The following FARS2 variants were observed in gnomAD, a reference collection of about 807,000 sequenced individuals.
FARS2 encodes the protein phenylalanine--tRNA ligase, mitochondrial.
Under a neutral mutation model 46.4 loss-of-function variants are expected in FARS2, and 40 were observed. That is an observed-to-expected ratio of 0.86 (90% confidence interval 0.67 to 1.12). FARS2 has a LOEUF of 1.12. Among genes scored for constraint, FARS2 ranks in the 50% most tolerant of loss-of-function variants. FARS2 has a pLI of 0.00. For missense variants in FARS2, 513 were observed against 567.9 expected (o/e 0.90, Z 0.98); for synonymous variants, 234 against 214.9 (o/e 1.09, Z -0.78).
intron 6 of FARS2, among the ~76,000 whole-genome samples, chr6:5,676,805 C>T (rs1023356268): frequency 3.3e-5 from 5 of 152,160 alleles, no homozygotes; most frequent in African/African-American, 1.2e-4. Flanking sequence ...CTTATGACTG[C>T]GAGATTCCCT....
Position 5,630,245 on chromosome 6 carries a change from A to C in FARS2, c.1217+16925A>C, listed in dbSNP as rs73718328. Among the ~76,000 whole-genome samples the C allele has an allele frequency of 6.4e-3, 979 of 152,268 alleles. 6 individuals carry two copies. The highest frequency in any genetic ancestry group is 0.027 in the Middle Eastern group (8 of 294). ...AGGGAGACCCAAGAGATGGAAGTCAAAGAGCAGAGGCTGGGAATGAAAGCC... is the reference window on the plus strand; with the variant it reads ...AGGGAGACCCAAGAGATGGAAGTCACAGAGCAGAGGCTGGGAATGAAAGCC... On this transcript the variant is annotated intron_variant, in intron 6 of 6. Transcript: ENST00000274680. This position sits in a 1 kb window ranked among gnomAD's most constrained non-coding sequence, Gnocchi z 4.2.
intron 6 of FARS2, among the ~76,000 whole-genome samples, chr6:5,643,285 C>A (rs1475098471): frequency 1.3e-5 from 2 of 152,228 alleles, no homozygotes; most frequent in East Asian, 3.9e-4. Flanking sequence ...CCTGTGAAAA[C>A]GATTTCTAAT....
chr6:5,540,011 A>G (rs1000085162), intron 4 of FARS2, among the ~76,000 whole-genome samples: 4 of 152,134 alleles, frequency 2.6e-5, no homozygotes, highest in African/African-American at 9.7e-5. Flanking sequence ...CTAGACTGCC[A>G]TCATCATGGC....
At chr6:5,667,272 C>A (rs1778180762) in intron 6 of FARS2, among the ~76,000 whole-genome samples, 1 of 152,142 alleles carries the variant, frequency 6.6e-6, no homozygotes, top group South Asian at 2.1e-4. Context: ...GTAATCCCAG[C>A]CCTTTGGGGG....
rs142641364 is a variant in FARS2 at position 5,424,948 on chromosome 6, G to A, written c.773-6093G>A. Among the ~76,000 whole-genome samples the A allele has an allele frequency of 5.9e-5, 9 of 152,224 alleles. No homozygotes were observed. In the East Asian group the frequency reaches 1.4e-3, roughly 23 times the overall value. ...TTCCCGTGGTTAGATTGTGGTTATCGAGGATGATCCCAGCTCTTTAAGAAT... is the reference window on the plus strand; with the variant it reads ...TTCCCGTGGTTAGATTGTGGTTATCAAGGATGATCCCAGCTCTTTAAGAAT... On this transcript the variant is annotated intron_variant, in intron 3 of 6. Transcript: ENST00000274680.
intron 1 of FARS2, among the ~76,000 whole-genome samples, chr6:5,341,218 TATA>T (rs1771581364): frequency 2.7e-4 from 2 of 7,448 alleles, no homozygotes; most frequent in African/African-American, 8.7e-4. Context: ...TATATATATA[TATA>T]TATATATATA....
intron 3 of FARS2, among the ~76,000 whole-genome samples, chr6:5,419,979 C>T (rs912513936): frequency 4.6e-5 from 7 of 152,098 alleles, no homozygotes; most frequent in South Asian, 2.1e-4. Flanking sequence ...AAGACATACC[C>T]GAGACTGGAA....
intron 5 of FARS2, chr6:5,610,297 T>C: frequency 2.5e-6 from 1 of 405,838 alleles, no homozygotes; most frequent in Non-Finnish European, 4.3e-6. Flanking sequence ...TTTGATGCCC[T>C]TTTCAATTCT....
intron 4 of FARS2, among the ~76,000 whole-genome samples, chr6:5,468,372 GA>G (rs905135517): frequency 1.5e-4 from 23 of 149,106 alleles, no homozygotes; most frequent in African/African-American, 5.2e-4. Flanking sequence ...AAAAAAGAAA[GA>G]AAAAAAGTTA....
intron 6 of FARS2, among the ~76,000 whole-genome samples, chr6:5,620,543 C>T (rs747239274): frequency 4.6e-5 from 7 of 152,174 alleles, no homozygotes; most frequent in Non-Finnish European, 8.8e-5. Context: ...CTGAGCTTCA[C>T]TCTTTCCATG....
chr6:5,629,780 C>T (rs555764667), intron 6 of FARS2, among the ~76,000 whole-genome samples: 5 of 151,750 alleles, frequency 3.3e-5, no homozygotes, highest in African/African-American at 2.4e-5. Context: ...GAGTTAGTGC[C>T]GGGGGCCTTG....
intron 1 of FARS2, among the ~76,000 whole-genome samples, chr6:5,318,737 G>A (rs1371152721): frequency 1.3e-5 from 2 of 152,138 alleles, no homozygotes; most frequent in African/African-American, 2.4e-5. Flanking sequence ...CTATGCAAAT[G>A]AAGTAGTGCC....
intron 6 of FARS2, among the ~76,000 whole-genome samples, chr6:5,758,860 T>C (rs1241035611): frequency 6.6e-6 from 1 of 152,154 alleles, no homozygotes; most frequent in Non-Finnish European, 1.5e-5. Flanking sequence ...GGCAGAAGGC[T>C]AGTATGTGGG....
At chr6:5,474,763 C>G (rs190649958) in intron 4 of FARS2, among the ~76,000 whole-genome samples, 1 of 148,122 alleles carries the variant, frequency 6.8e-6, no homozygotes, top group African/African-American at 2.5e-5. Context: ...TGGATTAAAG[C>G]AGTTCTCTAC....
At chr6:5,252,837 C>T in the FARS2 span, among the ~76,000 whole-genome samples, 1 of 152,008 alleles carries the variant, frequency 6.6e-6, no homozygotes, top group African/African-American at 2.4e-5. Context: ...AGAGGAACAC[C>T]GAGACTCACA....
intron 1 of FARS2, among the ~76,000 whole-genome samples, chr6:5,359,437 A>AT (rs1276798170): frequency 1.3e-5 from 2 of 152,146 alleles, no homozygotes; most frequent in African/African-American, 4.8e-5. Context: ...CATTAGACTT[A>AT]TTTTTTTAAA....
intron 5 of FARS2, among the ~76,000 whole-genome samples, chr6:5,588,987 A>G (rs1267292288): frequency 6.6e-6 from 1 of 152,192 alleles, no homozygotes; most frequent in Non-Finnish European, 1.5e-5. Flanking sequence ...CTTTCTTGAC[A>G]GTTTTAGGTT....
intron 6 of FARS2, among the ~76,000 whole-genome samples, chr6:5,663,004 G>A (rs757466962): frequency 2.0e-5 from 3 of 152,058 alleles, no homozygotes; most frequent in South Asian, 4.1e-4. Context: ...ATGGTGCTTC[G>A]GAAGCCTGTT....
intron 4 of FARS2, among the ~76,000 whole-genome samples, chr6:5,467,810 A>G (rs954686700): frequency 4.6e-5 from 7 of 152,178 alleles, no homozygotes; most frequent in African/African-American, 1.7e-4. Context: ...ATGCCTTACC[A>G]TTTTATGGTT....
Sources: allele counts gnomAD v4.1 joint callset (sites outside exome capture counted in the v4.1 genomes callset), GRCh38; gene constraint gnomAD v4.1.1; non-coding constraint Gnocchi (gnomAD v3.1); transcripts MANE v1.5; gene names NCBI Gene and HGNC (gene_info 2026-07-23, HGNC 2026-07-21).